Variants in LEKR1 observed in about 807,000 individuals in gnomAD.
LEKR1 encodes the protein protein LEKR1.
LEKR1 carries 59 observed loss-of-function variants against 72.4 expected under a neutral mutation model. That is an observed-to-expected ratio of 0.82 (90% CI 0.66 to 1.01). The LOEUF (loss-of-function observed/expected upper bound fraction) is 1.01, where lower values mean the gene tolerates loss of function less well. Ranked by LOEUF, LEKR1 falls within the 50% of genes least tolerant of loss-of-function variation. The pLI, the probability that LEKR1 is intolerant of heterozygous loss-of-function variation, is 0.00. For synonymous variants in LEKR1, 257 were observed against 263.2 expected (o/e 0.98, Z 0.23); for missense variants, 728 against 759.2 (o/e 0.96, Z 0.48).
intron 5 of LEKR1, among the ~76,000 whole-genome samples, chr3:156,931,157 A>G (rs1056313746): frequency 6.6e-5 from 10 of 152,148 alleles, no homozygotes; most frequent in African/African-American, 2.4e-4. Context: ...TGTGTGACAA[A>G]GAACTGTTGT....
chr3:156,881,576 C>A (rs1170221448), intron 3 of LEKR1, among the ~76,000 whole-genome samples: 100 of 124,802 alleles, frequency 8.0e-4, no homozygotes, highest in East Asian at 1.4e-3. Context: ...CCATACTGCC[C>A]AAGGTAATTT....
intron 3 of LEKR1, among the ~76,000 whole-genome samples, chr3:156,871,890 A>G (rs1328090228): frequency 6.6e-6 from 1 of 151,880 alleles, no homozygotes; most frequent in African/African-American, 2.4e-5. Flanking sequence ...TTGGCTTATA[A>G]TTTTATTTTT....
intron 3 of LEKR1, among the ~76,000 whole-genome samples, chr3:156,918,372 A>G (rs889914310): frequency 1.3e-5 from 2 of 152,182 alleles, no homozygotes; most frequent in African/African-American, 4.8e-5. Flanking sequence ...ATCTAAGTTC[A>G]GTAGAAGTAT....
At chr3:156,980,406 G>A (rs1284691859) in intron 7 of LEKR1, among the ~76,000 whole-genome samples, 1 of 152,154 alleles carries the variant, frequency 6.6e-6, no homozygotes, top group Non-Finnish European at 1.5e-5. Flanking sequence ...TTATAACACT[G>A]TGGTTAATAG....
chr3:156,886,806 A>T (rs960294323), intron 3 of LEKR1, among the ~76,000 whole-genome samples: 6 of 152,260 alleles, frequency 3.9e-5, no homozygotes, highest in African/African-American at 1.4e-4. Context: ...AGTTTGTCGC[A>T]GCGTGCTGCT....
intron 6 of LEKR1, among the ~76,000 whole-genome samples, chr3:156,973,450 G>A (rs73873753): frequency 0.036 from 5,479 of 152,116 alleles, 361 homozygotes; most frequent in African/African-American, 0.12. Context: ...AGAGAAAAGG[G>A]CTAGGGGCTG....
At chr3:156,850,435 G>A (rs1027205299) in intron 2 of LEKR1, among the ~76,000 whole-genome samples, 1 of 152,088 alleles carries the variant, frequency 6.6e-6, no homozygotes. Flanking sequence ...AAGTAGGGAA[G>A]CCACAACTCA....
intron 12 of LEKR1, among the ~76,000 whole-genome samples, chr3:157,038,006 C>T (rs908763938): frequency 2.6e-5 from 4 of 152,144 alleles, no homozygotes; most frequent in Non-Finnish European, 4.4e-5. Context: ...ATGGAGTCTT[C>T]GTAGGCTATG....
intron 4 of LEKR1, among the ~76,000 whole-genome samples, 167 bp from the exon 5 acceptor site, chr3:156,927,262 C>A (rs1190755883): frequency 6.6e-6 from 1 of 151,774 alleles, no homozygotes; most frequent in African/African-American, 2.4e-5. Flanking sequence ...CTGAGATATT[C>A]CTAGTTTGTG....
rs369435835 is a variant in LEKR1 at position 156,865,765 on chromosome 3, T to C, written c.263+12783T>C. ...GAGAGTCTGGGTGACCTCTCACCCT[T>C]GGTTATCCCTCGAGCCTCACTCTCT... is the stretch of plus-strand genomic sequence containing the variant. On this transcript the variant is annotated intron_variant, in intron 3 of 12. Transcript: ENST00000356539. Among the ~76,000 whole-genome samples the C allele has an allele frequency of 3.3e-4, 50 of 152,198 alleles. No individual in the cohort carries two copies. The East Asian group carries it at 6.6e-3, about 20-fold the overall frequency.
chr3:156,906,867 A>G (rs990603406), intron 3 of LEKR1, among the ~76,000 whole-genome samples: 2 of 152,164 alleles, frequency 1.3e-5, no homozygotes, highest in African/African-American at 4.8e-5. Flanking sequence ...TTAAAAGTAT[A>G]AAAAGAAAAA....
At chr3:156,849,662 A>T (rs1451702999) in intron 2 of LEKR1, among the ~76,000 whole-genome samples, 1 of 152,238 alleles carries the variant, frequency 6.6e-6, no homozygotes, top group Non-Finnish European at 1.5e-5. Flanking sequence ...TGGGGAAAGG[A>T]TTCCCTATTT....
chr3:156,891,813 A>T (rs1490646416), intron 3 of LEKR1, among the ~76,000 whole-genome samples: 1 of 152,154 alleles, frequency 6.6e-6, no homozygotes, highest in Non-Finnish European at 1.5e-5. Flanking sequence ...TGAGTAGTTA[A>T]CAAGAAAAGT....
At chr3:156,836,136 G>C (rs191831359) in intron 2 of LEKR1, among the ~76,000 whole-genome samples, 7 of 151,996 alleles carry the variant, frequency 4.6e-5, no homozygotes, top group African/African-American at 7.2e-5. Context: ...GCTTCCCAAA[G>C]TGCTGGTTTT....
At chr3:156,837,756 A>G (rs1713344247) in intron 2 of LEKR1, among the ~76,000 whole-genome samples, 1 of 152,150 alleles carries the variant, frequency 6.6e-6, no homozygotes, top group South Asian at 2.1e-4. Flanking sequence ...GGAGACAGTG[A>G]TTTTTACCAT....
chr3:157,045,980 G>A lies in LEKR1; in HGVS notation c.*230G>A. The A allele has an allele frequency of 2.1e-6, 1 of 477,486 alleles. No individual in the cohort carries two copies. The highest frequency in any genetic ancestry group is 3.7e-6 in the Non-Finnish European group (1 of 271,956). 29.6% of individuals were successfully genotyped at this position (477,486 alleles called of 1,614,324 possible). A position where few individuals can be genotyped will look rare whatever the true frequency, so the allele number is the denominator to read the frequency against. On this transcript the variant is annotated 3_prime_UTR_variant, in exon 13 of 13. Coordinates refer to ENST00000356539, the MANE Select transcript of LEKR1 (RefSeq NM_001004316.3). ...TCATTAAGTTGTTGGTATTCCAGAG[G>A]TCCGATTTCTATGTTTATGTTGGAA...
At chr3:157,006,548 T>C (rs1015579362) in intron 9 of LEKR1, among the ~76,000 whole-genome samples, 15 of 152,192 alleles carry the variant, frequency 9.9e-5, no homozygotes, top group Non-Finnish European at 1.5e-4. Context: ...CAAAAACTTG[T>C]ACACAGGTAT....
intron 2 of LEKR1, among the ~76,000 whole-genome samples, chr3:156,842,639 G>A (rs1576643735): frequency 6.6e-6 from 1 of 152,204 alleles, no homozygotes; most frequent in African/African-American, 2.4e-5. Context: ...TACAAAAAAT[G>A]TAAAGGTGGT....
chr3:156,956,572 T>C (rs1356988028), intron 6 of LEKR1, among the ~76,000 whole-genome samples: 1 of 151,876 alleles, frequency 6.6e-6, no homozygotes, highest in Non-Finnish European at 1.5e-5. Flanking sequence ...AAATAAACAT[T>C]ACATCAAAAT....
Sources: allele counts gnomAD v4.1 joint callset (sites outside exome capture counted in the v4.1 genomes callset), GRCh38; gene constraint gnomAD v4.1.1; transcripts MANE v1.5; gene names NCBI Gene and HGNC (gene_info 2026-07-23, HGNC 2026-07-21).